TSNARE1: variants seen among roughly 807,000 people sequenced by gnomAD.
TSNARE1 encodes the protein t-SNARE domain containing 1.
TSNARE1 carries 49 observed loss-of-function variants against 62.0 expected under a neutral mutation model. The observed-to-expected ratio is 0.79, with a 90% CI of 0.63 to 1.00. The LOEUF is 1.00. Among genes scored for constraint, TSNARE1 ranks in the 50% least tolerant of loss-of-function variants. The pLI is 0.00. For missense variants in TSNARE1, 755 were observed against 700.1 expected, an observed-to-expected ratio of 1.08 and a Z score of -0.88; for synonymous variants, 328 against 294.4, an observed-to-expected ratio of 1.11 and a Z score of -1.17.
At chr8:142,288,618 C>T (rs1233122881) in intron 10 of TSNARE1, among the ~76,000 whole-genome samples, 1 of 152,256 alleles carries the variant, frequency 6.6e-6, no homozygotes, top group Non-Finnish European at 1.5e-5. Flanking sequence ...CGCGGAGCCA[C>T]CTGCTATCCA....
At chr8:142,270,501 TA>T (rs1586913342) in intron 12 of TSNARE1, 2 of 906,356 alleles carry the variant, frequency 2.2e-6, no homozygotes, top group African/African-American at 2.3e-5. Context: ...TATATATATA[TA>T]TTTATGTATT....
chr8:142,369,167 C>T (rs554404535), intron 1 of TSNARE1, among the ~76,000 whole-genome samples: 23 of 152,338 alleles, frequency 1.5e-4, no homozygotes, highest in Admixed American at 6.5e-4. Context: ...TCTGTATCTG[C>T]AGCATGAGCA....
rs1205330934 is a variant in TSNARE1, at chr8:142,274,408, C to T, written c.1446+373G>A. 7 of 985,358 alleles carry T rather than the reference C, an allele frequency of 7.1e-6. No homozygotes were observed. In the African/African-American group the frequency reaches 8.7e-5, roughly 12 times the overall value. The allele number at this position is 985,358 out of a possible 1,614,324, so 61.0% of individuals were successfully genotyped here. A position where few individuals can be genotyped will look rare whatever the true frequency, so the allele number is the denominator to read the frequency against. On this transcript the variant is annotated intron_variant, in intron 12 of 13. Transcript: ENST00000524325. ...ACTGACCTGCCCCAACCACAAAGTCCCCTCTGCAGTTCCCCGCCCCAGTAT... is the reference window on the plus strand; with the variant it reads ...ACTGACCTGCCCCAACCACAAAGTCTCCTCTGCAGTTCCCCGCCCCAGTAT...
intron 12 of TSNARE1, among the ~76,000 whole-genome samples, chr8:142,234,538 C>A (rs752635884): frequency 1.3e-5 from 2 of 152,180 alleles, no homozygotes; most frequent in Non-Finnish European, 2.9e-5. Flanking sequence ...CTCAAGATGG[C>A]GCCATGACCC....
At chr8:142,272,236 C>T (rs191418536) in intron 12 of TSNARE1, among the ~76,000 whole-genome samples, 1 of 152,022 alleles carries the variant, frequency 6.6e-6, no homozygotes, top group African/African-American at 2.4e-5. Context: ...CTTCCTCCTT[C>T]CATCTACCCA....
At chr8:142,394,752 T>C (rs976482609) in intron 1 of TSNARE1, among the ~76,000 whole-genome samples, 15 of 152,318 alleles carry the variant, frequency 9.8e-5, no homozygotes, top group Middle Eastern at 3.4e-3. Context: ...CATTGAGCTC[T>C]AAGCTGTGGG....
At chr8:142,361,111 C>G (rs1050783992) in intron 1 of TSNARE1, among the ~76,000 whole-genome samples, 2 of 152,246 alleles carry the variant, frequency 1.3e-5, no homozygotes, top group African/African-American at 4.8e-5. Flanking sequence ...TCTCCCGCCC[C>G]TGGTTTTCTC....
intron 12 of TSNARE1, chr8:142,269,971 T>C: frequency 1.0e-6 from 1 of 985,444 alleles, no homozygotes; most frequent in Non-Finnish European, 1.2e-6. Context: ...TGTAGTCTTT[T>C]GACTCTCGGC....
chr8:142,308,832 T>C (rs370960949), intron 9 of TSNARE1, among the ~76,000 whole-genome samples: 18 of 152,318 alleles, frequency 1.2e-4, no homozygotes, highest in African/African-American at 3.6e-4. Flanking sequence ...TGGGATTGTA[T>C]TGAGCCTACA....
rs986847858 is a variant in TSNARE1, at chr8:142,314,572, C to T, written c.1075-132G>A. 1.6e-5 allele frequency: 12 copies of T among 761,572 alleles called. No individual in the cohort carries two copies. The Admixed American group carries it at 2.4e-4, about 16-fold the overall frequency. The allele number at this position is 761,572 out of a possible 1,614,324, so 47.2% of individuals were successfully genotyped here. On this transcript the variant is annotated intron_variant, in intron 8 of 13. Coordinates refer to ENST00000524325, the MANE Select transcript of TSNARE1 (RefSeq NM_145003.5). ...ACACGCCTGCCACTCCCAGAAGAGG[C>T]TGCCGGGGCCGGGGCTGAGCTCTGC...
rs756347613 is a variant in TSNARE1 at position 142,300,461 on chromosome 8, G to T, written c.1290+25C>A. On this transcript the variant is annotated intron_variant, in intron 10 of 13. Transcript: ENST00000524325. ...GCCTCATGTGGAGTGTGGAGAGTGA[G>T]CACGCTTGCCCACGCCAGCCTCACC... 9 of 1,586,024 alleles carry T rather than the reference G, an allele frequency of 5.7e-6. No individual in the cohort carries two copies. In the South Asian group the frequency reaches 1.0e-4, roughly 18 times the overall value.
intron 12 of TSNARE1, among the ~76,000 whole-genome samples, chr8:142,246,058 G>A (rs1369761250): frequency 6.6e-6 from 1 of 152,220 alleles, no homozygotes; most frequent in Non-Finnish European, 1.5e-5. Flanking sequence ...ACACGGCACA[G>A]CAGAGCTTGG....
intron 12 of TSNARE1, among the ~76,000 whole-genome samples, chr8:142,236,023 C>T (rs1425208424): frequency 6.6e-6 from 1 of 152,134 alleles, no homozygotes; most frequent in Admixed American, 6.5e-5. Context: ...CCAGGCTGTG[C>T]AGGATGCTGG....
intron 1 of TSNARE1, among the ~76,000 whole-genome samples, chr8:142,400,517 G>A (rs1035253498): frequency 1.3e-5 from 2 of 150,660 alleles, no homozygotes; most frequent in African/African-American, 4.9e-5. Context: ...GAGGTGGGTG[G>A]ATCACAAGGT....
chr8:142,287,214 G>C (rs1822909503), intron 10 of TSNARE1, among the ~76,000 whole-genome samples: 1 of 142,480 alleles, frequency 7.0e-6, no homozygotes, highest in Non-Finnish European at 1.5e-5. Context: ...CTCAGGGACA[G>C]TGGGCCGCCC....
At chr8:142,360,939 C>T (rs766920624) in intron 1 of TSNARE1, among the ~76,000 whole-genome samples, 1 of 152,144 alleles carries the variant, frequency 6.6e-6, no homozygotes, top group East Asian at 1.9e-4. Context: ...GGCAGGGGGC[C>T]AGGCCCCCAC....
intron 1 of TSNARE1, among the ~76,000 whole-genome samples, chr8:142,387,758 C>G (rs1002558629): frequency 6.6e-6 from 1 of 152,124 alleles, no homozygotes; most frequent in African/African-American, 2.4e-5. Context: ...AAAGAACTTT[C>G]ATCCTCAAAA....
chr8:142,253,785 A>G (rs1318006489), intron 12 of TSNARE1, among the ~76,000 whole-genome samples: 2 of 152,226 alleles, frequency 1.3e-5, no homozygotes, highest in African/African-American at 4.8e-5. Flanking sequence ...GGGAACGCGT[A>G]GCCAGCCTTT....
intron 12 of TSNARE1, among the ~76,000 whole-genome samples, chr8:142,256,611 TCACCAC>T (rs1188048549): frequency 7.1e-6 from 1 of 140,166 alleles, no homozygotes; most frequent in Non-Finnish European, 1.6e-5. Context: ...ATCACCATCA[TCACCAC>T]CACCACCACC....
Sources: gnomAD v4.1 joint callset for allele counts (sites outside exome capture counted in the v4.1 genomes callset) on GRCh38, gnomAD v4.1.1 for gene constraint, MANE v1.5 for transcripts, NCBI Gene and HGNC (gene_info 2026-07-23, HGNC 2026-07-21) for gene names.